Variants in LRRTM4 observed in about 807,000 individuals in gnomAD.
The protein encoded by LRRTM4 is leucine rich repeat transmembrane neuronal 4.
A neutral mutation model predicts 47.6 loss-of-function variants in LRRTM4; 25 were observed. That is an observed-to-expected ratio of 0.53 (90% confidence interval 0.38 to 0.73). The LOEUF is 0.73. Ranked by LOEUF, LRRTM4 falls within the 30% of genes least tolerant of loss-of-function variation. The pLI, the probability that LRRTM4 is intolerant of heterozygous loss-of-function variation, is 0.00. For missense variants in LRRTM4, 638 were observed against 713.4 expected (o/e 0.89, Z 1.20); for synonymous variants, 311 against 269.5 (o/e 1.15, Z -1.51).
At chr2:77,226,867 G>A (rs954265811) in intron 3 of LRRTM4, among the ~76,000 whole-genome samples, 4 of 151,928 alleles carry the variant, frequency 2.6e-5, no homozygotes, top group African/African-American at 9.7e-5. Flanking sequence ...AAGAGGATGG[G>A]TTTTAGACAG....
chr2:76,955,330 G>A (rs903712459), intron 3 of LRRTM4, among the ~76,000 whole-genome samples: 2 of 151,784 alleles, frequency 1.3e-5, no homozygotes, highest in Non-Finnish European at 2.9e-5. Flanking sequence ...ATGTAAAAAA[G>A]TCCGTTGGGA....
intron 3 of LRRTM4, among the ~76,000 whole-genome samples, chr2:77,150,769 T>C (rs558557336): frequency 6.6e-6 from 1 of 152,332 alleles, no homozygotes; most frequent in South Asian, 2.1e-4. Flanking sequence ...CCATTGTTTA[T>C]ATTATTAAAA....
intron 3 of LRRTM4, among the ~76,000 whole-genome samples, chr2:77,383,025 A>T (rs73941247): frequency 6.6e-6 from 1 of 151,996 alleles, no homozygotes; most frequent in Non-Finnish European, 1.5e-5. Flanking sequence ...AAATTCCCCC[A>T]GTTTCTCATG....
intron 3 of LRRTM4, among the ~76,000 whole-genome samples, chr2:77,012,473 C>T (rs1037707637): frequency 6.6e-6 from 1 of 152,138 alleles, no homozygotes; most frequent in African/African-American, 2.4e-5. Context: ...AAACTAAAGA[C>T]ACAAACATAA....
At chr2:77,080,332 A>C (rs908002894) in intron 3 of LRRTM4, among the ~76,000 whole-genome samples, 1 of 152,120 alleles carries the variant, frequency 6.6e-6, no homozygotes, top group Non-Finnish European at 1.5e-5. Flanking sequence ...TCCTTTGAGC[A>C]CTGTCCTTGA....
intron 3 of LRRTM4, among the ~76,000 whole-genome samples, chr2:77,040,395 C>A (rs1384782107): frequency 6.6e-6 from 1 of 151,114 alleles, no homozygotes; most frequent in Non-Finnish European, 1.5e-5. Flanking sequence ...CAAAATGAAG[C>A]TTGAATAAGG....
chr2:76,814,128 C>G (rs1311646948), intron 3 of LRRTM4, among the ~76,000 whole-genome samples: 1 of 151,996 alleles, frequency 6.6e-6, no homozygotes, highest in Non-Finnish European at 1.5e-5. Flanking sequence ...ATCTTGTTCT[C>G]ATGACTATAA....
chr2:76,834,300 C>T (rs1017413644), intron 3 of LRRTM4, among the ~76,000 whole-genome samples: 18 of 151,874 alleles, frequency 1.2e-4, no homozygotes, highest in African/African-American at 4.1e-4. Context: ...ATCTGCCTGC[C>T]TCGTCCTCCC....
At chr2:77,042,830 A>G (rs948618776) in intron 3 of LRRTM4, among the ~76,000 whole-genome samples, 2 of 151,684 alleles carry the variant, frequency 1.3e-5, no homozygotes, top group Non-Finnish European at 3.0e-5. Flanking sequence ...TCCTCAACCA[A>G]CTTTCTGACC....
intron 3 of LRRTM4, among the ~76,000 whole-genome samples, chr2:76,990,383 CCATCTGTCTGCTGTCTTTAAAAGACT>C (rs1275967532): frequency 1.3e-5 from 2 of 151,610 alleles, no homozygotes; most frequent in Admixed American, 1.3e-4. Context: ...ATAGCAAGAC[CCATCTGTCTGCTGTCTTTAAAAGACT>C]CATCTCCTAT....
chr2:77,397,330 T>C (rs905089148), intron 3 of LRRTM4, among the ~76,000 whole-genome samples: 1 of 151,790 alleles, frequency 6.6e-6, no homozygotes, highest in Non-Finnish European at 1.5e-5. Flanking sequence ...AAAGGGAGTA[T>C]CTTGAAAGTA....
At chr2:76,990,064 C>T (rs975251344) in intron 3 of LRRTM4, 3 of 151,682 alleles carry the variant, frequency 2.0e-5, no homozygotes, top group Non-Finnish European at 4.4e-5. Context: ...CATAAAAGTT[C>T]TTTCTGGGTA....
In LRRTM4 at chr2:76,777,133, C is replaced by G. The variant is rs562291362; in HGVS notation, c.1552-28217G>C. Among the ~76,000 whole-genome samples the G allele has an allele frequency of 1.4e-4, 21 of 149,954 alleles. 2 individuals carry two copies. The South Asian group carries it at 2.7e-3, about 19-fold the overall frequency. On this transcript the variant is annotated intron_variant, in intron 3 of 3. Coordinates refer to ENST00000409884, the MANE Select transcript of LRRTM4 (RefSeq NM_001134745.3). ...ATTGATCTATATCTCTGTTTTGGTA[C>G]CAGTACCATGCTGTTTTGGTTACTG...
At chr2:76,762,113 TCTAA>T (rs978676236) in intron 3 of LRRTM4, among the ~76,000 whole-genome samples, 15 of 152,192 alleles carry the variant, frequency 9.9e-5, no homozygotes, top group African/African-American at 3.4e-4. Context: ...TTTACTTGGC[TCTAA>T]CTGTTATACC....
At chr2:77,018,134 G>A (rs926216230) in intron 3 of LRRTM4, among the ~76,000 whole-genome samples, 8 of 149,104 alleles carry the variant, frequency 5.4e-5, no homozygotes, top group Non-Finnish European at 1.2e-4. Flanking sequence ...TTGAAATCTA[G>A]TTTCAATTTC....
At chr2:77,245,489 A>G (rs1258292304) in intron 3 of LRRTM4, among the ~76,000 whole-genome samples, 1 of 146,138 alleles carries the variant, frequency 6.8e-6, no homozygotes, top group Non-Finnish European at 1.5e-5. Flanking sequence ...TGGCACTCCC[A>G]CTTGGGATAC....
At chr2:77,253,403 G>C (rs1675676343) in intron 3 of LRRTM4, among the ~76,000 whole-genome samples, 1 of 151,880 alleles carries the variant, frequency 6.6e-6, no homozygotes, top group East Asian at 1.9e-4. Context: ...AGGGAATCTG[G>C]GCTTCAACCT....
rs1672723691 is a variant in LRRTM4 at position 76,748,547 on chromosome 2, T to C, written c.*148A>G. 1 of 670,054 alleles carries C rather than the reference T, an allele frequency of 1.5e-6. No homozygotes were observed. The highest frequency in any genetic ancestry group is 2.9e-5 in the Admixed American group (1 of 34,022). 41.5% of individuals were successfully genotyped at this position (670,054 alleles called of 1,614,324 possible). ...CGCTGCCCTCTTCAAGCAGTTTTTT[T>C]TTCTCTTTTTCTTTTCTCTATGCCA... On this transcript the variant is annotated 3_prime_UTR_variant, in exon 4 of 4. Coordinates refer to ENST00000409884, the MANE Select transcript of LRRTM4 (RefSeq NM_001134745.3).
chr2:77,276,686 CATATATATATATATATATATATATATAT>C (rs3980215), intron 3 of LRRTM4, among the ~76,000 whole-genome samples: 53 of 71,716 alleles, frequency 7.4e-4, no homozygotes, highest in East Asian at 5.6e-3. Context: ...TTTGTGTACG[CATATATATATATATATATATATATATAT>C]ATATATATAT....
Sources: gnomAD v4.1 joint callset for allele counts (sites outside exome capture counted in the v4.1 genomes callset) on GRCh38, gnomAD v4.1.1 for gene constraint, MANE v1.5 for transcripts, NCBI Gene and HGNC (gene_info 2026-07-23, HGNC 2026-07-21) for gene names.